The following ZDHHC21 variants were observed in gnomAD, a reference collection of about 807,000 sequenced individuals.
ZDHHC21 encodes the protein palmitoyltransferase ZDHHC21.
A neutral mutation model predicts 34.6 loss-of-function variants in ZDHHC21; 15 were observed. The observed-to-expected ratio is 0.43, with a 90% CI of 0.29 to 0.67. The LOEUF (loss-of-function observed/expected upper bound fraction) is 0.67. Ranked by LOEUF, ZDHHC21 falls within the 30% of genes least tolerant of loss-of-function variation. ZDHHC21 has a pLI of 0.14. For missense variants in ZDHHC21, 344 were observed against 327.7 expected (o/e 1.05, Z -0.38); for synonymous variants, 142 against 101.8 (o/e 1.40, Z -2.38).
intron 5 of ZDHHC21, among the ~76,000 whole-genome samples, chr9:14,672,562 C>G (rs946910560): frequency 1.3e-5 from 2 of 151,922 alleles, no homozygotes; most frequent in African/African-American, 2.4e-5. Flanking sequence ...TCCTGACCAC[C>G]CAGCCTACCT....
chr9:14,608,351 A>G (rs1042564653), downstream of ZDHHC21, among the ~76,000 whole-genome samples: 16 of 152,150 alleles, frequency 1.1e-4, no homozygotes, highest in African/African-American at 3.9e-4. Context: ...GTAAATTTCA[A>G]TACTAAGAAA....
At chr9:14,672,066 C>G (rs1835560423) in intron 5 of ZDHHC21, among the ~76,000 whole-genome samples, 1 of 151,944 alleles carries the variant, frequency 6.6e-6, no homozygotes, top group African/African-American at 2.4e-5. Context: ...ATTCAAATTG[C>G]CTCATATTTA....
chr9:14,624,742 T>G (rs1825915752), intron 8 of ZDHHC21, among the ~76,000 whole-genome samples: 1 of 152,064 alleles, frequency 6.6e-6, no homozygotes, highest in South Asian at 2.1e-4. Flanking sequence ...TGCACAGCAG[T>G]GTGATTACAG....
intron 8 of ZDHHC21, among the ~76,000 whole-genome samples, chr9:14,625,864 CATTT>C (rs1406723396): frequency 6.6e-6 from 1 of 151,910 alleles, no homozygotes; most frequent in Non-Finnish European, 1.5e-5. Flanking sequence ...TTCATTCATT[CATTT>C]ATCCATCTAT....
chr9:14,662,631 A>G (rs894942760), intron 5 of ZDHHC21, among the ~76,000 whole-genome samples: 6 of 152,220 alleles, frequency 3.9e-5, no homozygotes, highest in African/African-American at 1.2e-4. Flanking sequence ...GTAAAATCCA[A>G]TGACAAAACC....
chr9:14,606,955 C>G (rs926309821), downstream of ZDHHC21, among the ~76,000 whole-genome samples: 2 of 151,618 alleles, frequency 1.3e-5, no homozygotes, highest in African/African-American at 4.8e-5. Context: ...TACTTCCTAT[C>G]AAAATTAAAA....
chr9:14,603,901 G>C, the ZDHHC21 span, among the ~76,000 whole-genome samples: 1 of 152,116 alleles, frequency 6.6e-6, no homozygotes, highest in South Asian at 2.1e-4. Flanking sequence ...CGTAGATGTT[G>C]ACTCATCCCT....
intron 8 of ZDHHC21, among the ~76,000 whole-genome samples, chr9:14,623,862 G>A (rs1462146294): frequency 6.6e-6 from 1 of 152,020 alleles, no homozygotes; most frequent in African/African-American, 2.4e-5. Flanking sequence ...GCAAGGATGT[G>A]GAGAAAAGGG....
intron 7 of ZDHHC21, among the ~76,000 whole-genome samples, chr9:14,653,136 TA>T (rs1831545953): frequency 6.6e-6 from 1 of 152,006 alleles, no homozygotes; most frequent in Non-Finnish European, 1.5e-5. Flanking sequence ...TCTTATTCCA[TA>T]TCCTGAATAA....
At chr9:14,681,036 T>C (rs997775794) in intron 2 of ZDHHC21, among the ~76,000 whole-genome samples, 3 of 152,044 alleles carry the variant, frequency 2.0e-5, no homozygotes, top group African/African-American at 7.2e-5. Flanking sequence ...AAAATCTGAG[T>C]AAACTGAAAT....
intron 8 of ZDHHC21, among the ~76,000 whole-genome samples, chr9:14,635,617 G>A (rs1586985653): frequency 1.3e-5 from 2 of 152,184 alleles, no homozygotes; most frequent in Non-Finnish European, 1.5e-5. Flanking sequence ...AAAGGCACGT[G>A]ATAACAAGCA....
chr9:14,663,218 G>GT (rs1833717624), intron 5 of ZDHHC21, among the ~76,000 whole-genome samples: 1 of 152,060 alleles, frequency 6.6e-6, no homozygotes, highest in Non-Finnish European at 1.5e-5. Flanking sequence ...ATATTGGAAT[G>GT]GAATTTTTCT....
At chr9:14,667,167 T>A (rs1834600512) in intron 5 of ZDHHC21, among the ~76,000 whole-genome samples, 1 of 131,588 alleles carries the variant, frequency 7.6e-6, no homozygotes, top group Non-Finnish European at 1.6e-5. Context: ...ATAAAGGGGA[T>A]ATCACCACTG....
intron 8 of ZDHHC21, among the ~76,000 whole-genome samples, chr9:14,632,096 A>G (rs777139649): frequency 1.3e-5 from 2 of 150,166 alleles, no homozygotes; most frequent in Non-Finnish European, 2.9e-5. Context: ...CACACTATCT[A>G]CAAAGCACAA....
chr9:14,629,286 T>C (rs1363427406), intron 8 of ZDHHC21, among the ~76,000 whole-genome samples: 1 of 152,114 alleles, frequency 6.6e-6, no homozygotes, highest in Non-Finnish European at 1.5e-5. Context: ...GTTTTAGAAA[T>C]ATCACCTCAT....
At chr9:14,667,766 T>C (rs1335404764) in intron 5 of ZDHHC21, among the ~76,000 whole-genome samples, 1,360 of 56,302 alleles carry the variant, frequency 0.024, 38 homozygotes, top group African/African-American at 0.087. Flanking sequence ...ATTATCTCAA[T>C]AGATGCAGAA....
intron 1 of ZDHHC21, among the ~76,000 whole-genome samples, chr9:14,692,530 T>C (rs1051181627): frequency 1.3e-5 from 2 of 152,136 alleles, no homozygotes; most frequent in Non-Finnish European, 2.9e-5. Context: ...GCCCTGGTGA[T>C]ACAGACATCC....
intron 8 of ZDHHC21, among the ~76,000 whole-genome samples, chr9:14,627,200 C>G (rs1213085171): frequency 6.6e-6 from 1 of 152,110 alleles, no homozygotes; most frequent in Non-Finnish European, 1.5e-5. Flanking sequence ...TCGACTGATT[C>G]GTAAAATGCT....
chr9:14,603,377 A>T, the ZDHHC21 span, among the ~76,000 whole-genome samples: 1 of 152,166 alleles, frequency 6.6e-6, no homozygotes, highest in Non-Finnish European at 1.5e-5. Flanking sequence ...TATATAGGTA[A>T]ATCCTCCTGA....
Sources: gnomAD v4.1 joint callset for allele counts (sites outside exome capture counted in the v4.1 genomes callset) on GRCh38, gnomAD v4.1.1 for gene constraint, MANE v1.5 for transcripts, NCBI Gene and HGNC (gene_info 2026-07-23, HGNC 2026-07-21) for gene names.